KCNIP1: variants seen among roughly 807,000 people sequenced by gnomAD.
KCNIP1 encodes the protein potassium voltage-gated channel interacting protein 1, also known as A-type potassium channel modulatory protein KCNIP1.
KCNIP1 carries 18 observed loss-of-function variants against 33.0 expected under a neutral mutation model. The ratio of observed to expected loss-of-function variants is 0.55; its 90% CI spans 0.38 to 0.81. The LOEUF (loss-of-function observed/expected upper bound fraction) is 0.81. Ranked by LOEUF, KCNIP1 falls within the 30% of genes least tolerant of loss-of-function variation. KCNIP1 has a pLI of 0.00. For missense variants in KCNIP1, 238 were observed against 271.6 expected (o/e 0.88, Z 0.87); for synonymous variants, 93 against 98.3 (o/e 0.95, Z 0.32).
intron 1 of KCNIP1, among the ~76,000 whole-genome samples, chr5:170,667,385 C>G (rs902292372): frequency 1.3e-5 from 2 of 152,064 alleles, no homozygotes; most frequent in African/African-American, 4.8e-5. Flanking sequence ...AAACACATAT[C>G]TAATGATAGA....
At chr5:170,503,800 C>T (rs1177734618), upstream of KCNIP1, among the ~76,000 whole-genome samples, 6 of 150,708 alleles carry the variant, frequency 4.0e-5, no homozygotes, top group African/African-American at 1.5e-4. Flanking sequence ...CAATCTACTG[C>T]CCCCTGAACC....
chr5:170,468,706 C>T (rs1161300697), intron 1 of KCNIP1, among the ~76,000 whole-genome samples: 3 of 151,940 alleles, frequency 2.0e-5, no homozygotes, highest in African/African-American at 4.8e-5. Flanking sequence ...CATGGAGAAA[C>T]CTTATCTCTA....
At chr5:170,468,911 A>T (rs1430675436) in intron 1 of KCNIP1, among the ~76,000 whole-genome samples, 2 of 152,130 alleles carry the variant, frequency 1.3e-5, no homozygotes, top group Admixed American at 1.3e-4. Context: ...AATGAAAAAA[A>T]AAAATCAACC....
intron 6 of KCNIP1, among the ~76,000 whole-genome samples, chr5:170,733,459 C>G (rs928327541): frequency 6.6e-5 from 10 of 152,196 alleles, no homozygotes; most frequent in Non-Finnish European, 1.3e-4. Flanking sequence ...AAAGAGAGTC[C>G]TCTCTGGCCT....
intron 1 of KCNIP1, among the ~76,000 whole-genome samples, chr5:170,413,256 T>A (rs1168952384): frequency 6.6e-6 from 1 of 152,118 alleles, no homozygotes; most frequent in Non-Finnish European, 1.5e-5. Context: ...CTGGCCTGGG[T>A]CTTTCAGGGC....
intron 1 of KCNIP1, among the ~76,000 whole-genome samples, chr5:170,566,462 G>A (rs1311856786): frequency 6.6e-6 from 1 of 152,176 alleles, no homozygotes; most frequent in Non-Finnish European, 1.5e-5. Context: ...ATTAAACTGA[G>A]CCTCAGAGAA....
At chr5:170,636,256 C>T (rs138606421) in intron 1 of KCNIP1, among the ~76,000 whole-genome samples, 86 of 152,194 alleles carry the variant, frequency 5.7e-4, no homozygotes, top group African/African-American at 1.9e-3. Context: ...AAAGCTGTGA[C>T]GCTAGATGGG....
chr5:170,551,463 G>A (rs187557631), intron 1 of KCNIP1, among the ~76,000 whole-genome samples: 1 of 152,336 alleles, frequency 6.6e-6, no homozygotes, highest in African/African-American at 2.4e-5. Context: ...CAGCTATGCA[G>A]ACCAGAGCCC....
chr5:170,604,160 C>A (rs780358921), intron 1 of KCNIP1, among the ~76,000 whole-genome samples: 3 of 152,074 alleles, frequency 2.0e-5, no homozygotes, highest in Admixed American at 6.6e-5. Flanking sequence ...ACAGGTGGCG[C>A]CATTTACCAA....
intron 1 of KCNIP1, among the ~76,000 whole-genome samples, chr5:170,487,046 T>C (rs983828030): frequency 3.3e-5 from 5 of 152,168 alleles, no homozygotes; most frequent in African/African-American, 1.2e-4. Context: ...CACAGACATA[T>C]CTATATATCT....
At chr5:170,634,517 G>A (rs978906693) in intron 1 of KCNIP1, among the ~76,000 whole-genome samples, 1 of 152,208 alleles carries the variant, frequency 6.6e-6, no homozygotes, top group Non-Finnish European at 1.5e-5. Context: ...GTTTGAGGCT[G>A]GCATTCAAAA....
intron 1 of KCNIP1, among the ~76,000 whole-genome samples, chr5:170,594,887 C>T (rs186529848): frequency 5.0e-4 from 76 of 152,208 alleles, no homozygotes; most frequent in Non-Finnish European, 9.8e-4. Flanking sequence ...GGGCCTTCCA[C>T]GGTGTCTGCA....
At chr5:170,382,171 A>G (rs1035087087) in intron 1 of KCNIP1, among the ~76,000 whole-genome samples, 1 of 152,164 alleles carries the variant, frequency 6.6e-6, no homozygotes, top group African/African-American at 2.4e-5. Flanking sequence ...ACACACCTGT[A>G]GGCTCCATCT....
Position 170,726,509 on chromosome 5 carries a change from T to C in KCNIP1, c.435+3689T>C, listed in dbSNP as rs1764009257. On this transcript the variant is annotated intron_variant, in intron 5 of 7. Transcript: ENST00000328939. ...CAAAGATGTGGAGCAATAGAAACTC[T>C]CATAGATAGCTGGCAGAAATGTAAA... 1.3e-5 allele frequency among the ~76,000 whole-genome samples: 2 copies of C among 152,080 alleles called. 1 individual carries two copies. The highest frequency in any genetic ancestry group is 4.2e-4 in the South Asian group (2 of 4,816).
intron 1 of KCNIP1, among the ~76,000 whole-genome samples, chr5:170,367,400 A>G (rs540730517): frequency 7.8e-6 from 1 of 128,230 alleles, no homozygotes; most frequent in African/African-American, 3.1e-5. Flanking sequence ...AAAGAAAGAA[A>G]GAAAGAAAGA....
At chr5:170,552,727 T>C (rs1226305204) in intron 1 of KCNIP1, among the ~76,000 whole-genome samples, 1 of 152,178 alleles carries the variant, frequency 6.6e-6, no homozygotes, top group Non-Finnish European at 1.5e-5. Flanking sequence ...GATTCTATCC[T>C]GAGTGCAACT....
At chr5:170,677,211 G>A (rs1762177105) in intron 1 of KCNIP1, among the ~76,000 whole-genome samples, 1 of 152,170 alleles carries the variant, frequency 6.6e-6, no homozygotes, top group African/African-American at 2.4e-5. Context: ...GAATGTCTCT[G>A]TTTTACAGGT....
intron 1 of KCNIP1, among the ~76,000 whole-genome samples, chr5:170,492,096 G>C (rs1014879573): frequency 6.6e-6 from 1 of 152,200 alleles, no homozygotes; most frequent in African/African-American, 2.4e-5. Flanking sequence ...AGAGTTAGCA[G>C]AGGCCCCACA....
rs190611546 is a variant in KCNIP1, at chr5:170,591,518, G to A, written c.61+86885G>A. 1.5e-3 allele frequency among the ~76,000 whole-genome samples: 227 copies of A among 152,252 alleles called. 2 individuals carry two copies. The highest frequency in any genetic ancestry group is 0.01 in the Middle Eastern group (3 of 294). On this transcript the variant is annotated intron_variant, in intron 1 of 7. Transcript: ENST00000328939. ...GTTCAGTACCACCAAGTACCTTCAC[G>A]TTGTTGGACAAACTTCACCACCATC...
Sources: gnomAD v4.1 joint callset for allele counts (sites outside exome capture counted in the v4.1 genomes callset) on GRCh38, gnomAD v4.1.1 for gene constraint, MANE v1.5 for transcripts, NCBI Gene and HGNC (gene_info 2026-07-23, HGNC 2026-07-21) for gene names.